The following DGKB variants were observed in gnomAD, a reference collection of about 807,000 sequenced individuals.
DGKB encodes 90 kDa diacylglycerol kinase.
In DGKB, 67 loss-of-function variants were observed where a neutral mutation model predicts 114.3. The observed-to-expected ratio is 0.59, with a 90% confidence interval of 0.48 to 0.72. The LOEUF (loss-of-function observed/expected upper bound fraction) is 0.72, where lower values mean the gene tolerates loss of function less well. DGKB is among the 30% of genes least tolerant of loss of function. The pLI, the probability that DGKB is intolerant of heterozygous loss-of-function variation, is 0.00. For missense variants in DGKB, 907 were observed against 975.2 expected (o/e 0.93, Z 0.93); for synonymous variants, 398 against 323.1 (o/e 1.23, Z -2.49).
intron 1 of DGKB, among the ~76,000 whole-genome samples, chr7:14,900,499 C>T (rs1481944839): frequency 2.0e-5 from 3 of 152,024 alleles, no homozygotes; most frequent in Admixed American, 6.6e-5. Flanking sequence ...ACATCATAGT[C>T]GTTATCAGTA....
chr7:14,221,367 T>C (rs1789938644), intron 23 of DGKB, among the ~76,000 whole-genome samples: 1 of 151,380 alleles, frequency 6.6e-6, no homozygotes, highest in African/African-American at 2.4e-5. Context: ...GTTTGTTGAA[T>C]GTTTTTTATT....
At chr7:14,761,565 T>C (rs1364533093) in intron 2 of DGKB, among the ~76,000 whole-genome samples, 2 of 152,216 alleles carry the variant, frequency 1.3e-5, no homozygotes, top group Non-Finnish European at 2.9e-5. Context: ...AAAGGATCTA[T>C]AACTAGGCCT....
intron 14 of DGKB, among the ~76,000 whole-genome samples, chr7:14,627,091 TA>T (rs1281996706): frequency 6.6e-6 from 1 of 152,188 alleles, no homozygotes; most frequent in African/African-American, 2.4e-5. Flanking sequence ...AAAGTATAGA[TA>T]AAAAATTTTA....
At chr7:14,275,348 A>C (rs1197232957) in intron 23 of DGKB, among the ~76,000 whole-genome samples, 1 of 152,198 alleles carries the variant, frequency 6.6e-6, no homozygotes, top group African/African-American at 2.4e-5. Context: ...ATTTCTTGAA[A>C]TAATATTGGA....
chr7:14,925,182 T>C (rs963927841), intron 1 of DGKB, among the ~76,000 whole-genome samples: 3 of 152,208 alleles, frequency 2.0e-5, no homozygotes, highest in African/African-American at 7.2e-5. Context: ...CACTGAAGGA[T>C]ACCTAAGTTT....
chr7:14,609,006 T>A (rs957307413), intron 16 of DGKB, among the ~76,000 whole-genome samples: 2 of 152,038 alleles, frequency 1.3e-5, no homozygotes, highest in African/African-American at 4.8e-5. Context: ...TTTATAGATT[T>A]AACACTATTT....
chr7:14,674,214 T>A (rs145714487), intron 12 of DGKB, among the ~76,000 whole-genome samples: 1 of 152,164 alleles, frequency 6.6e-6, no homozygotes, highest in African/African-American at 2.4e-5. Context: ...TCTTTCCATG[T>A]TCATCCATAA....
chr7:14,873,403 T>C (rs570143976), intron 1 of DGKB, among the ~76,000 whole-genome samples: 2 of 152,190 alleles, frequency 1.3e-5, no homozygotes, highest in East Asian at 3.9e-4. Flanking sequence ...TCTTAAAACA[T>C]GGAATTTAAT....
chr7:14,968,225 T>A (rs916435080), intron 1 of DGKB, among the ~76,000 whole-genome samples: 1 of 151,952 alleles, frequency 6.6e-6, no homozygotes, highest in Non-Finnish European at 1.5e-5. Flanking sequence ...AGCTTTTAGG[T>A]GATAAGTAAC....
At chr7:14,580,143 T>A (rs947284057) in intron 19 of DGKB, among the ~76,000 whole-genome samples, 1 of 152,202 alleles carries the variant, frequency 6.6e-6, no homozygotes, top group African/African-American at 2.4e-5. Flanking sequence ...TTCAGTTCCT[T>A]GAATATGTCA....
At position 14,956,738 on chromosome 7, in the gene DGKB, TA is replaced by T. The variant is rs1386763411; in HGVS notation, c.-188+17957del. ...ATACAGGCACTTGAGGAGAAGAAGA[TA>T]ATATAACCATGAGTGCAATGGAGCA... On this transcript the variant is annotated intron_variant, in intron 1 of 4. Coordinates refer to the DGKB transcript ENST00000437998. Among the ~76,000 whole-genome samples the T allele has an allele frequency of 2.0e-5, 3 of 152,120 alleles. No individual in the cohort carries two copies. The East Asian group carries it at 5.8e-4, about 29-fold the overall frequency.
chr7:14,316,287 G>T (rs1425008373), intron 23 of DGKB, among the ~76,000 whole-genome samples: 1 of 148,770 alleles, frequency 6.7e-6, no homozygotes, highest in Admixed American at 6.7e-5. Flanking sequence ...TAAAATCAGA[G>T]CAGAACTGAA....
At chr7:14,724,664 G>T (rs1237571142) in intron 5 of DGKB, among the ~76,000 whole-genome samples, 1 of 152,202 alleles carries the variant, frequency 6.6e-6, no homozygotes. Flanking sequence ...CTCTGGTTGT[G>T]TGCAAACAAT....
chr7:14,610,484 C>T (rs987681510), intron 16 of DGKB, among the ~76,000 whole-genome samples: 4 of 151,864 alleles, frequency 2.6e-5, no homozygotes, highest in African/African-American at 9.7e-5. Context: ...ACATGTACCT[C>T]CTGTATCTAA....
chr7:14,204,974 A>G (rs1786518614), intron 23 of DGKB, among the ~76,000 whole-genome samples: 1 of 152,016 alleles, frequency 6.6e-6, no homozygotes, highest in South Asian at 2.1e-4. Flanking sequence ...TTCAAGAAAT[A>G]TCCTATGTTT....
chr7:14,303,992 T>C (rs955651195), intron 23 of DGKB, among the ~76,000 whole-genome samples: 2 of 150,922 alleles, frequency 1.3e-5, no homozygotes, highest in African/African-American at 4.9e-5. Flanking sequence ...TTCTCTCTTT[T>C]ATTTAATTTT....
rs866802245 is a variant in DGKB at position 14,259,403 on chromosome 7, C to A, written c.2122+79112G>T. ...TTTCTCTCTCTCTCTCTCTCTCTCT[C>A]TCTCTATATATATATATATATATAT... On this transcript the variant is annotated intron_variant, in intron 23 of 25. Coordinates refer to ENST00000402815, the MANE Select transcript of DGKB (RefSeq NM_001350709.2). Among the ~76,000 whole-genome samples the A allele has an allele frequency of 8.2e-4, 90 of 110,386 alleles. No homozygotes were observed. In the East Asian group the frequency reaches 8.9e-3, roughly 11 times the overall value. 72.4% of individuals were successfully genotyped at this position (110,386 alleles called of 152,430 possible).
chr7:14,701,923 T>G (rs183260680), intron 6 of DGKB, among the ~76,000 whole-genome samples, 193 bp from the exon 7 acceptor site: 22 of 152,324 alleles, frequency 1.4e-4, no homozygotes, highest in Non-Finnish European at 2.9e-4. Flanking sequence ...AAATACTGGA[T>G]AGCATAAAGT....
chr7:14,955,639 G>A lies in DGKB; in HGVS notation c.-188+19057C>T, dbSNP rs535721410. Among the ~76,000 whole-genome samples, 705 of 152,108 alleles carry A rather than the reference G, an allele frequency of 4.6e-3. 4 individuals carry two copies. The highest frequency in any genetic ancestry group is 6.8e-3 in the Non-Finnish European group (462 of 67,932). The stretch of plus-strand genomic sequence containing the variant: ...CAACAAGATGCTGGAAGGAAAGAAG[G>A]AAGTAGCTGAAAGAATAGAAAGAAA... On this transcript the variant is annotated intron_variant, in intron 1 of 4. Coordinates refer to the DGKB transcript ENST00000437998.
Sources: gnomAD v4.1 joint callset for allele counts (sites outside exome capture counted in the v4.1 genomes callset) on GRCh38, gnomAD v4.1.1 for gene constraint, MANE v1.5 for transcripts, NCBI Gene and HGNC (gene_info 2026-07-23, HGNC 2026-07-21) for gene names.